Variants in ALG9 observed in about 807,000 individuals in gnomAD.
ALG9 encodes alpha-1,2-mannosyltransferase ALG9.
A neutral mutation model predicts 81.8 loss-of-function variants in ALG9; 55 were observed. The ratio of observed to expected loss-of-function variants is 0.67; its 90% CI spans 0.54 to 0.84. The LOEUF is 0.84. Ranked by LOEUF, ALG9 falls within the 40% of genes least tolerant of loss-of-function variation. The pLI, the probability that ALG9 is intolerant of heterozygous loss-of-function variation, is 0.00. For synonymous variants in ALG9, 278 were observed against 274.3 expected, an observed-to-expected ratio of 1.01 and a Z score of -0.13; for missense variants, 629 against 745.0, an observed-to-expected ratio of 0.84 and a Z score of 1.81.
chr11:111,826,934 C>T (rs546974533), intron 13 of ALG9, among the ~76,000 whole-genome samples: 1 of 152,184 alleles, frequency 6.6e-6, no homozygotes, highest in South Asian at 2.1e-4. Flanking sequence ...AAGATTTCTT[C>T]AAACTTATCC....
At chr11:111,843,290 A>T (rs1956496687) in intron 9 of ALG9, among the ~76,000 whole-genome samples, 2 of 152,226 alleles carry the variant, frequency 1.3e-5, no homozygotes, top group Non-Finnish European at 2.9e-5. Flanking sequence ...GGGTCTTCTT[A>T]AAAAGCTTAA....
chr11:111,864,268 C>A, intron 4 of ALG9: 1 of 1,131,672 alleles, frequency 8.8e-7, no homozygotes, highest in South Asian at 1.3e-5. Context: ...CTGGCTCCTC[C>A]AGCGTTGCCG....
At chr11:111,859,215 GA>G (rs1323597225) in intron 5 of ALG9, among the ~76,000 whole-genome samples, 6 of 152,080 alleles carry the variant, frequency 3.9e-5, no homozygotes, top group Admixed American at 2.6e-4. Context: ...CACTTGAAAA[GA>G]AAAGAGGCCA....
intron 14 of ALG9, among the ~76,000 whole-genome samples, chr11:111,798,510 T>TCTCTGGGGA (rs1948633507): frequency 6.6e-6 from 1 of 152,200 alleles, no homozygotes; most frequent in South Asian, 2.1e-4. Context: ...CCTTCACTCC[T>TCTCTGGGGA]CTCTGGGGAC....
chr11:111,860,527 T>G lies in ALG9; in HGVS notation c.565+20A>C. ...TACCTGGTGATGACCTGCAATTCCCTCATCTGCCCTTTTACTTACCTGATG... is the reference window on the plus strand; with the variant it reads ...TACCTGGTGATGACCTGCAATTCCCGCATCTGCCCTTTTACTTACCTGATG... On this transcript the variant is annotated intron_variant, in intron 5 of 14. Coordinates refer to ENST00000616540, the MANE Select transcript of ALG9 (RefSeq NM_024740.2). 6.2e-7 allele frequency: 1 copy of G among 1,608,292 alleles called. No homozygotes were observed. The highest frequency in any genetic ancestry group is 8.5e-7 in the Non-Finnish European group (1 of 1,174,730).
In ALG9 at chr11:111,866,245, C is replaced by T. The variant is rs1415272285; in HGVS notation, c.406-994G>A. Among the ~76,000 whole-genome samples the T allele has an allele frequency of 7.2e-5, 11 of 152,084 alleles. 1 individual carries two copies. Among genetic ancestry groups the T allele is most frequent in the Admixed American group, 7.2e-4 (11 of 15,260 alleles). On this transcript the variant is annotated intron_variant, in intron 3 of 14. Coordinates refer to ENST00000616540, the MANE Select transcript of ALG9 (RefSeq NM_024740.2). ...CTGGGAGTCGGAGGTTGCAGTGAGC[C>T]GAGATCGTGCCACTGCACTCCAGCC... is the stretch of plus-strand genomic sequence containing the variant.
intron 14 of ALG9, among the ~76,000 whole-genome samples, chr11:111,799,387 C>T (rs782765809): frequency 1.3e-5 from 2 of 151,634 alleles, no homozygotes; most frequent in African/African-American, 2.4e-5. Flanking sequence ...ATGATCCGCT[C>T]GCCTTGGCCT....
chr11:111,846,527 A>C (rs1391585765), intron 8 of ALG9, among the ~76,000 whole-genome samples: 1 of 152,234 alleles, frequency 6.6e-6, no homozygotes. Context: ...ATGAGGAAAC[A>C]AAAGTATTAA....
chr11:111,853,811 G>T, intron 6 of ALG9, 75 bp from the exon 7 acceptor site: 1 of 1,280,014 alleles, frequency 7.8e-7, no homozygotes, highest in Non-Finnish European at 1.1e-6. Context: ...CATACCTCAT[G>T]CTGAACTGAG....
At chr11:111,823,735 C>T (rs1555106014) in intron 13 of ALG9, among the ~76,000 whole-genome samples, 2 of 152,174 alleles carry the variant, frequency 1.3e-5, no homozygotes, top group African/African-American at 2.4e-5. Flanking sequence ...CCTAGATCAC[C>T]ACACAGATCT....
chr11:111,805,850 T>C (rs1949849950), intron 14 of ALG9, among the ~76,000 whole-genome samples: 1 of 152,134 alleles, frequency 6.6e-6, no homozygotes, highest in African/African-American at 2.4e-5. Context: ...TTTGTTGTTG[T>C]TGTTGTTGCT....
chr11:111,775,270 C>T, the ALG9 span, among the ~76,000 whole-genome samples: 1 of 152,134 alleles, frequency 6.6e-6, no homozygotes, highest in Non-Finnish European at 1.5e-5. Context: ...GGTATTCTTC[C>T]CCACTTCCTT....
chr11:111,853,869 G>C lies in ALG9; in HGVS notation c.702-133C>G. On this transcript the variant is annotated intron_variant, in intron 6 of 14. Transcript: ENST00000616540. ...TAGTGAGGGAAGAAACCTGGTATGTGAGAGGATGTCGTCACAGGACCTGTC... is the reference window on the plus strand; with the variant it reads ...TAGTGAGGGAAGAAACCTGGTATGTCAGAGGATGTCGTCACAGGACCTGTC... 5.0e-6 allele frequency: 4 copies of C among 797,204 alleles called. No individual in the cohort carries two copies. In the South Asian group the frequency reaches 5.8e-5, roughly 12 times the overall value. The allele number at this position is 797,204 out of a possible 1,614,324, so 49.4% of individuals were successfully genotyped here.
At chr11:111,814,582 T>C (rs1356955736) in intron 13 of ALG9, 1 of 152,202 alleles carries the variant, frequency 6.6e-6, no homozygotes, top group African/African-American at 2.4e-5. Context: ...CAAAAACAAG[T>C]TGGTCATCTC....
intron 4 of ALG9, among the ~76,000 whole-genome samples, chr11:111,862,449 G>C (rs1167883864): frequency 2.0e-5 from 3 of 151,572 alleles, no homozygotes; most frequent in African/African-American, 7.3e-5. Flanking sequence ...GGCCAGGCTG[G>C]TTTCGAACTC....
In ALG9 at chr11:111,785,822, A is replaced by G; in HGVS notation, c.*575T>C. ...TGAGATAGCTCCAGGACAGGGTCCTAGTCCTGTGAAGTGCTTTAAAGAAGC... is the reference window on the plus strand; with the variant it reads ...TGAGATAGCTCCAGGACAGGGTCCTGGTCCTGTGAAGTGCTTTAAAGAAGC... On this transcript the variant is annotated 3_prime_UTR_variant, in exon 15 of 15. Transcript: ENST00000616540. 1 of 347,708 alleles carries G rather than the reference A, an allele frequency of 2.9e-6. No individual in the cohort carries two copies. Among genetic ancestry groups the G allele is most frequent in the Non-Finnish European group, 5.6e-6 (1 of 177,086 alleles). 21.5% of individuals were successfully genotyped at this position (347,708 alleles called of 1,614,324 possible). A position where few individuals can be genotyped will look rare whatever the true frequency, so the allele number is the denominator to read the frequency against.
intron 14 of ALG9, among the ~76,000 whole-genome samples, chr11:111,797,759 G>A (rs557348296): frequency 1.2e-4 from 18 of 152,300 alleles, no homozygotes; most frequent in Non-Finnish European, 2.2e-4. Flanking sequence ...GACTCTGTAG[G>A]CCTCAGAGCT....
At chr11:111,812,749 T>A (rs1053580128) in intron 13 of ALG9, among the ~76,000 whole-genome samples, 2 of 151,588 alleles carry the variant, frequency 1.3e-5, no homozygotes, top group Admixed American at 6.6e-5. Context: ...AAACCCCGTA[T>A]CTACTAAAAA....
intron 6 of ALG9, among the ~76,000 whole-genome samples, chr11:111,854,323 C>G (rs1958330328): frequency 7.1e-6 from 1 of 141,760 alleles, no homozygotes; most frequent in Admixed American, 7.5e-5. Context: ...AGGCTGGGTG[C>G]AGTGGTGTGA....
Sources: allele counts gnomAD v4.1 joint callset (sites outside exome capture counted in the v4.1 genomes callset), GRCh38; gene constraint gnomAD v4.1.1; transcripts MANE v1.5; gene names NCBI Gene and HGNC (gene_info 2026-07-23, HGNC 2026-07-21).